RAD51B: variants seen among roughly 807,000 people sequenced by gnomAD.
RAD51B encodes the protein DNA repair protein RAD51 homolog 2.
RAD51B carries 38 observed loss-of-function variants against 42.2 expected under a neutral mutation model. The ratio of observed to expected loss-of-function variants is 0.90; its 90% CI spans 0.70 to 1.18. RAD51B has a LOEUF of 1.18. Ranked by LOEUF, RAD51B falls within the 50% of genes most tolerant of loss-of-function variation. RAD51B has a pLI of 0.00. For synonymous variants in RAD51B, 154 were observed against 145.2 expected, an observed-to-expected ratio of 1.06 and a Z score of -0.43; for missense variants, 373 against 400.7, an observed-to-expected ratio of 0.93 and a Z score of 0.59.
chr14:68,201,819 G>T (rs2079491495), intron 7 of RAD51B, among the ~76,000 whole-genome samples: 3 of 152,156 alleles, frequency 2.0e-5, no homozygotes. Context: ...ACCGTTTTTT[G>T]AGAATATTGA....
chr14:68,101,375 C>T (rs111989813), intron 7 of RAD51B, among the ~76,000 whole-genome samples: 2,382 of 152,198 alleles, frequency 0.016, 62 homozygotes, highest in African/African-American at 0.053. Flanking sequence ...AAGTCTCATC[C>T]GAGACAAAGT....
At chr14:68,177,604 G>A (rs1208032938) in intron 7 of RAD51B, among the ~76,000 whole-genome samples, 3 of 151,964 alleles carry the variant, frequency 2.0e-5, no homozygotes, top group Admixed American at 6.6e-5. Context: ...TGGTGAGGGC[G>A]ATGGAGGGGG....
chr14:68,253,290 T>C (rs1197500970), intron 7 of RAD51B, among the ~76,000 whole-genome samples: 1 of 152,214 alleles, frequency 6.6e-6, no homozygotes, highest in Non-Finnish European at 1.5e-5. Context: ...AGCTTTTTTT[T>C]TCATGTAACA....
At chr14:67,874,640 T>C (rs1473342138) in intron 5 of RAD51B, among the ~76,000 whole-genome samples, 1 of 152,148 alleles carries the variant, frequency 6.6e-6, no homozygotes, top group Non-Finnish European at 1.5e-5. Flanking sequence ...CTCTTCTGAT[T>C]GATCCAGAGA....
At chr14:68,227,261 G>A (rs2080057646) in intron 7 of RAD51B, among the ~76,000 whole-genome samples, 1 of 152,098 alleles carries the variant, frequency 6.6e-6, no homozygotes, top group African/African-American at 2.4e-5. Context: ...CTCCCTCCAG[G>A]CCCCAGATAT....
intron 7 of RAD51B, among the ~76,000 whole-genome samples, chr14:68,230,395 G>C (rs1372257878): frequency 6.6e-6 from 1 of 152,198 alleles, no homozygotes; most frequent in Non-Finnish European, 1.5e-5. Context: ...GTTCACTCCA[G>C]ACATTTTCTG....
At chr14:67,917,222 G>A (rs112831324) in intron 7 of RAD51B, among the ~76,000 whole-genome samples, 88 of 152,310 alleles carry the variant, frequency 5.8e-4, no homozygotes, top group African/African-American at 2.1e-3. Flanking sequence ...ACGTGAGACT[G>A]GGTAATTTAT....
rs765044816 is a variant in RAD51B at position 67,833,513 on chromosome 14, A to G, written c.199-1567A>G. 1.5e-3 allele frequency among the ~76,000 whole-genome samples: 229 copies of G among 152,192 alleles called. 5 individuals carry two copies. Among genetic ancestry groups the G allele is most frequent in the Admixed American group, 8.5e-4 (13 of 15,282 alleles). On this transcript the variant is annotated intron_variant, in intron 3 of 10. Transcript: ENST00000471583. ...GAAAATTTGGATAGTACTAAACTCT[A>G]TGTATACTATGTTTTTTGGATCTGA...
At chr14:68,540,780 G>T (rs577223475) in intron 10 of RAD51B, 1 of 985,438 alleles carries the variant, frequency 1.0e-6, no homozygotes, top group East Asian at 1.1e-4. Flanking sequence ...GGACTCCAAG[G>T]TTGAGTAGAA....
chr14:68,264,046 G>C (rs1361322417), intron 7 of RAD51B, among the ~76,000 whole-genome samples: 1 of 152,224 alleles, frequency 6.6e-6, no homozygotes, highest in Non-Finnish European at 1.5e-5. Flanking sequence ...CACTTTGCTA[G>C]ACTCTTGAGA....
At chr14:67,989,465 A>G (rs1376069028) in intron 7 of RAD51B, among the ~76,000 whole-genome samples, 1 of 152,048 alleles carries the variant, frequency 6.6e-6, no homozygotes, top group East Asian at 1.9e-4. Context: ...GAGAAACCCC[A>G]TCTCTACTAA....
intron 9 of RAD51B, among the ~76,000 whole-genome samples, chr14:68,462,776 G>T (rs936382745): frequency 1.3e-5 from 2 of 152,198 alleles, no homozygotes; most frequent in South Asian, 2.1e-4. Flanking sequence ...AGCCAAGCTG[G>T]TCTGATATGA....
At chr14:67,826,417 C>A (rs1237732110) in intron 3 of RAD51B, among the ~76,000 whole-genome samples, 1 of 152,172 alleles carries the variant, frequency 6.6e-6, no homozygotes, top group Non-Finnish European at 1.5e-5. Flanking sequence ...TGTGTCATGA[C>A]TGTAGCTTTT....
At chr14:68,020,095 C>T (rs1351786561) in intron 7 of RAD51B, among the ~76,000 whole-genome samples, 1 of 152,062 alleles carries the variant, frequency 6.6e-6, no homozygotes, top group Non-Finnish European at 1.5e-5. Flanking sequence ...TGAGCATGGC[C>T]TCTAATCCTG....
At chr14:67,832,947 T>A (rs1404666161) in intron 3 of RAD51B, among the ~76,000 whole-genome samples, 2 of 152,146 alleles carry the variant, frequency 1.3e-5, no homozygotes, top group Admixed American at 6.6e-5. Flanking sequence ...TAAAAGTAAT[T>A]AAAAAAACAA....
At chr14:68,047,563 T>C (rs2076322902) in intron 7 of RAD51B, among the ~76,000 whole-genome samples, 2 of 152,232 alleles carry the variant, frequency 1.3e-5, no homozygotes, top group Non-Finnish European at 1.5e-5. Context: ...TTTAACATAA[T>C]TGAAATTATA....
At chr14:68,645,039 T>C (rs1338595209) in intron 10 of RAD51B, among the ~76,000 whole-genome samples, 1 of 152,112 alleles carries the variant, frequency 6.6e-6, no homozygotes, top group Admixed American at 6.5e-5. Flanking sequence ...AAGTGTAGTC[T>C]TCAGTGGTAC....
At chr14:68,338,786 AGCT>A in intron 8 of RAD51B, 1 of 550,294 alleles carries the variant, frequency 1.8e-6, no homozygotes, top group Non-Finnish European at 3.5e-6. Flanking sequence ...TGATAATGTG[AGCT>A]ACAGACTTGA....
At chr14:68,452,381 T>A (rs1260099022) in intron 9 of RAD51B, among the ~76,000 whole-genome samples, 1 of 152,094 alleles carries the variant, frequency 6.6e-6, no homozygotes, top group Non-Finnish European at 1.5e-5. Context: ...TTTGATTTTT[T>A]AAAAAAACAA....
Sources: allele counts gnomAD v4.1 joint callset (sites outside exome capture counted in the v4.1 genomes callset), GRCh38; gene constraint gnomAD v4.1.1; transcripts MANE v1.5; gene names NCBI Gene and HGNC (gene_info 2026-07-23, HGNC 2026-07-21).